The following OR2W1 variants were observed in gnomAD, a reference collection of about 807,000 sequenced individuals.
OR2W1 encodes olfactory receptor 2W1.
For missense variants in OR2W1, 367 were observed against 385.3 expected (o/e 0.95, Z 0.40); for synonymous variants, 133 against 137.8 (o/e 0.97, Z 0.24).
At position 29,044,873 on chromosome 6, in the gene OR2W1, G is replaced by A; in HGVS notation, c.303C>T (p.Leu101=). ...CTGAGCCCAACCACATGTAAACATA[G>A]AGTTGGATGATACAACCCACATAGC... is the stretch of plus-strand genomic sequence containing the variant. ...TISYVGCIIQ[L]YVYMWLGSVE... Residue 101 remains leucine, a synonymous_variant, in exon 1 of 1, where the codon CTC becomes CTT. Transcript: ENST00000377175. This position sits in a 1 kb window ranked among gnomAD's most constrained non-coding sequence, Gnocchi z 4.3. 6.2e-7 allele frequency: 1 copy of A among 1,612,896 alleles called. No homozygotes were observed. The highest frequency in any genetic ancestry group is 8.5e-7 in the Non-Finnish European group (1 of 1,179,934).
Position 29,044,926 on chromosome 6 carries a change from T to C in OR2W1, c.250A>G (p.Asn84Asp). ...TTSIIPQMLVNLWGPDKTISY... is the reference protein window; with the variant it reads ...TTSIIPQMLVDLWGPDKTISY... ...ATGGTCTTATCAGGTCCCCACAAGT[T>C]GACCAGCATCTGAGGGATGATGCTG... Residue 84 changes from asparagine (N) to aspartate (D), a missense_variant, in exon 1 of 1, where the codon AAC becomes GAC. Asn to Asp is a conservative substitution (Grantham distance 23). Coordinates refer to ENST00000377175, the MANE Select transcript of OR2W1 (RefSeq NM_030903.3). This position sits in a 1 kb window ranked among gnomAD's most constrained non-coding sequence, Gnocchi z 4.3. The C allele has an allele frequency of 6.2e-7, 1 of 1,612,948 alleles. No homozygotes were observed. Among genetic ancestry groups the C allele is most frequent in the Admixed American group, 1.7e-5 (1 of 60,008 alleles).
rs1783991832 is a variant in OR2W1 at position 29,044,219 on chromosome 6, C to T, written c.957G>A (p.Lys319=). The T allele has an allele frequency of 1.3e-6, 2 of 1,550,312 alleles. No homozygotes were observed. Among genetic ancestry groups the T allele is most frequent in the Non-Finnish European group, 8.7e-7 (1 of 1,150,210 alleles). Residue 319 remains lysine, a synonymous_variant, in exon 1 of 1, where the codon AAG becomes AAA. Coordinates refer to ENST00000377175, the MANE Select transcript of OR2W1 (RefSeq NM_030903.3). This position sits in a 1 kb window ranked among gnomAD's most constrained non-coding sequence, Gnocchi z 4.3. ...HKSTKIKRNC[K]S Reference sequence around the variant, plus strand: ...TATTCACTCTAGTCTTTATCTATGACTTGCAATTCCTCTTTATTTTTGTAG... The same window carrying T: ...TATTCACTCTAGTCTTTATCTATGATTTGCAATTCCTCTTTATTTTTGTAG...
Position 29,044,424 on chromosome 6 carries a change from A to C in OR2W1, c.752T>G (p.Phe251Cys). The change falls in exon 1 of 1, where the codon TTC becomes TGC. Residue 251 changes from phenylalanine to cysteine, a missense_variant. Physicochemically the swap from Phe to Cys is radical, Grantham distance 205. Coordinates refer to ENST00000377175, the MANE Select transcript of OR2W1 (RefSeq NM_030903.3). This position sits in a 1 kb window ranked among gnomAD's most constrained non-coding sequence, Gnocchi z 4.3. ...CGSHLTVVSMFYGTIIYMYLQ... is the reference protein window; with the variant it reads ...CGSHLTVVSMCYGTIIYMYLQ... Reference sequence around the variant, plus strand: ...GTACATGTAGATAATAGTTCCATAGAACATAGACACTACAGTAAGATGAGA... The same window carrying C: ...GTACATGTAGATAATAGTTCCATAGCACATAGACACTACAGTAAGATGAGA... The C allele has an allele frequency of 6.2e-7, 1 of 1,612,994 alleles. No homozygotes were observed. The highest frequency in any genetic ancestry group is 8.5e-7 in the Non-Finnish European group (1 of 1,179,984).
rs926839522 is a variant in OR2W1 at position 29,045,095 on chromosome 6, C to G, written c.81G>C (p.Leu27=). ...AGTAGAAGATGGCGACAACTCCTGACAGGATCATCTCCATTTTTGGATGGT... is the reference window on the plus strand; with the variant it reads ...AGTAGAAGATGGCGACAACTCCTGAGAGGATCATCTCCATTTTTGGATGGT... ...FSNHPKMEMI[L]SGVVAIFYLI... is the part of the protein sequence containing the mutation. Residue 27 remains leucine (L), a synonymous_variant, in exon 1 of 1, where the codon CTG becomes CTC. Transcript: ENST00000377175. 4 of 1,612,810 alleles carry G rather than the reference C, an allele frequency of 2.5e-6. No homozygotes were observed. The highest frequency in any genetic ancestry group is 3.3e-5 in the Admixed American group (2 of 60,008).
chr6:29,045,156 C>T lies in OR2W1; in HGVS notation c.20G>A (p.Ser7Asn), dbSNP rs1784089758. 6.2e-7 allele frequency: 1 copy of T among 1,610,052 alleles called. No individual in the cohort carries two copies. Residue 7 changes from serine to asparagine, a missense_variant, in exon 1 of 1, where the codon AGT (serine) becomes AAT (asparagine). Transcript: ENST00000377175. MDQSNY[S>N]SLHGFILLGF... is the part of the protein sequence containing the mutation. ...AAGCAGAATAAAACCATGTAAAGAACTATAATTGCTTTGGTCCATAGTCCT... is the reference window on the plus strand; with the variant it reads ...AAGCAGAATAAAACCATGTAAAGAATTATAATTGCTTTGGTCCATAGTCCT...
chr6:29,044,520 C>A lies in OR2W1; in HGVS notation c.656G>T (p.Gly219Val). The A allele has an allele frequency of 6.2e-7, 1 of 1,612,934 alleles. No individual in the cohort carries two copies. The highest frequency in any genetic ancestry group is 1.1e-5 in the South Asian group (1 of 91,072). ...TCTCAGCACAGCTTTGGCAATGTAGCCATAGGATATAAGAATAAGGATGAG... is the reference window on the plus strand; with the variant it reads ...TCTCAGCACAGCTTTGGCAATGTAGACATAGGATATAAGAATAAGGATGAG... ...TPLILILISY[G>V]YIAKAVLRTK... Residue 219 changes from glycine (G) to valine (V), a missense_variant, in exon 1 of 1, where the codon GGC becomes GTC. By Grantham distance (109) the Gly-to-Val change is moderately radical (BLOSUM62 -3). Coordinates refer to ENST00000377175, the MANE Select transcript of OR2W1 (RefSeq NM_030903.3). This position sits in a 1 kb window ranked among gnomAD's most constrained non-coding sequence, Gnocchi z 4.3.
In OR2W1 at chr6:29,044,799, A is replaced by G. The variant is rs371231641; in HGVS notation, c.377T>C (p.Ile126Thr). The change falls in exon 1 of 1, where the codon ATA (isoleucine) becomes ACA (threonine). Residue 126 changes from isoleucine (I) to threonine (T), a missense_variant. Coordinates refer to ENST00000377175, the MANE Select transcript of OR2W1 (RefSeq NM_030903.3). The surrounding 1 kb of genome is among the most constrained non-coding windows in gnomAD (Gnocchi z 4.3). ...AVMSYDRFTA[I>T]CKPLHYFVVM... Reference sequence around the variant, plus strand: ...TACAAAATAATGCAAGGGCTTACATATAGCTGTAAAACGATCATAGGACAT... The same window carrying G: ...TACAAAATAATGCAAGGGCTTACATGTAGCTGTAAAACGATCATAGGACAT... The G allele has an allele frequency of 1.2e-6, 2 of 1,612,916 alleles. No homozygotes were observed. The highest frequency in any genetic ancestry group is 1.6e-4 in the Middle Eastern group (1 of 6,084).
chr6:29,045,033 G>T lies in OR2W1; in HGVS notation c.143C>A (p.Ala48Glu). The T allele has an allele frequency of 6.2e-7, 1 of 1,613,018 alleles. No individual in the cohort carries two copies. Among genetic ancestry groups the T allele is most frequent in the African/African-American group, 1.3e-5 (1 of 75,038 alleles). Residue 48 changes from alanine to glutamate, a missense_variant, in exon 1 of 1, where the codon GCA becomes GAA. Ala to Glu is a moderately radical substitution (Grantham distance 107, BLOSUM62 -1). Transcript: ENST00000377175. The stretch of plus-strand genomic sequence containing the variant: ...ATGAAGCTGGGAATCCAGGAGAGAT[G>T]CAAGAATGATGGCTGTGTTACCCAC... The part of the protein sequence containing the change: ...TLVGNTAIIL[A>E]SLLDSQLHTP...
Position 29,044,453 on chromosome 6 carries a change from A to C in OR2W1, c.723T>G (p.Cys241Trp), listed in dbSNP as rs747122912. ...TAGACACTACAGTAAGATGAGATCC[A>C]CAGGTATTCATTGCTTTTCGCTGGC... ...KASQRKAMNT[C>W]GSHLTVVSMF... Residue 241 changes from cysteine to tryptophan, a missense_variant, in exon 1 of 1, where the codon TGT becomes TGG. Cys to Trp is a radical substitution (Grantham distance 215). Coordinates refer to ENST00000377175, the MANE Select transcript of OR2W1 (RefSeq NM_030903.3). The surrounding 1 kb of genome is among the most constrained non-coding windows in gnomAD (Gnocchi z 4.3). The C allele has an allele frequency of 2.5e-6, 4 of 1,612,934 alleles. No homozygotes were observed. The highest frequency in any genetic ancestry group is 1.3e-5 in the African/African-American group (1 of 74,944).
rs1581791609 is a variant in OR2W1 at position 29,044,978 on chromosome 6, T to G, written c.198A>C (p.Leu66Phe). The change falls in exon 1 of 1, where the codon TTA becomes TTC. Residue 66 changes from leucine (L) to phenylalanine (F), a missense_variant. By Grantham distance (22) the Leu-to-Phe change is conservative. Transcript: ENST00000377175. This position sits in a 1 kb window ranked among gnomAD's most constrained non-coding sequence, Gnocchi z 4.3. ...HTPMYFFLRNLSFLDLCFTTS... is the reference protein window; with the variant it reads ...HTPMYFFLRNFSFLDLCFTTS... ...TTGTGAAACATAGATCTAGGAAAGATAAATTTCTGAGGAAAAAGTACATTG... is the reference window on the plus strand; with the variant it reads ...TTGTGAAACATAGATCTAGGAAAGAGAAATTTCTGAGGAAAAAGTACATTG... 6.2e-7 allele frequency: 1 copy of G among 1,612,908 alleles called. No individual in the cohort carries two copies. Among genetic ancestry groups the G allele is most frequent in the African/African-American group, 1.3e-5 (1 of 74,994 alleles).
chr6:29,045,080 G>A lies in OR2W1; in HGVS notation c.96C>T (p.Ala32=). The change falls in exon 1 of 1, where the codon GCC becomes GCT. Residue 32 remains alanine (A), a synonymous_variant. Coordinates refer to ENST00000377175, the MANE Select transcript of OR2W1 (RefSeq NM_030903.3). The part of the protein sequence containing the change: ...KMEMILSGVV[A]IFYLITLVGN... Reference sequence around the variant, plus strand: ...CCACCAATGTAATTAAGTAGAAGATGGCGACAACTCCTGACAGGATCATCT... The same window carrying A: ...CCACCAATGTAATTAAGTAGAAGATAGCGACAACTCCTGACAGGATCATCT... 6.2e-7 allele frequency: 1 copy of A among 1,612,978 alleles called. No homozygotes were observed. The highest frequency in any genetic ancestry group is 8.5e-7 in the Non-Finnish European group (1 of 1,179,980).
chr6:29,044,855 C>T lies in OR2W1; in HGVS notation c.321G>A (p.Leu107=). The T allele has an allele frequency of 6.2e-7, 1 of 1,612,970 alleles. No individual in the cohort carries two copies. Among genetic ancestry groups the T allele is most frequent in the East Asian group, 2.2e-5 (1 of 44,876 alleles). Residue 107 remains leucine (L), a synonymous_variant, in exon 1 of 1, where the codon TTG becomes TTA. Transcript: ENST00000377175. This position sits in a 1 kb window ranked among gnomAD's most constrained non-coding sequence, Gnocchi z 4.3. ...CCAGGAGAAGGCACTCAACTGAGCC[C>T]AACCACATGTAAACATAGAGTTGGA... is the stretch of plus-strand genomic sequence containing the variant. ...CIIQLYVYMW[L]GSVECLLLAV...
rs1210010297 is a variant in OR2W1, at chr6:29,045,023, C to CAGGAG, written c.148_152dup (p.Asp52SerfsTer20). ...ACATTGGTGTATGAAGCTGGGAATC[C>CAGGAG]AGGAGAGATGCAAGAATGATGGCTG... On this transcript the variant is annotated frameshift_variant, in exon 1 of 1. Transcript: ENST00000377175. LOFTEE classifies it low-confidence loss of function (END_TRUNC). 6.2e-6 allele frequency: 10 copies of CAGGAG among 1,612,894 alleles called. No homozygotes were observed. The highest frequency in any genetic ancestry group is 8.5e-6 in the Non-Finnish European group (10 of 1,179,964).
In OR2W1 at chr6:29,045,061, A is replaced by G. The variant is rs1407480592; in HGVS notation, c.115T>C (p.Leu39=). 20 of 1,612,950 alleles carry G rather than the reference A, an allele frequency of 1.2e-5. No homozygotes were observed. The highest frequency in any genetic ancestry group is 5.5e-5 in the South Asian group (5 of 91,088). Residue 39 remains leucine (L), a synonymous_variant, in exon 1 of 1, where the codon TTG becomes CTG. Transcript: ENST00000377175. The part of the protein sequence containing the change: ...GVVAIFYLIT[L]VGNTAIILAS... ...AGAATGATGGCTGTGTTACCCACCA[A>G]TGTAATTAAGTAGAAGATGGCGACA...
Position 29,044,800 on chromosome 6 carries a change from T to C in OR2W1, c.376A>G (p.Ile126Val), listed in dbSNP as rs1299614160. The C allele has an allele frequency of 1.2e-6, 2 of 1,612,964 alleles. No individual in the cohort carries two copies. The highest frequency in any genetic ancestry group is 1.7e-5 in the Admixed American group (1 of 60,000). ...ACAAAATAATGCAAGGGCTTACATATAGCTGTAAAACGATCATAGGACATA... is the reference window on the plus strand; with the variant it reads ...ACAAAATAATGCAAGGGCTTACATACAGCTGTAAAACGATCATAGGACATA... ...AVMSYDRFTA[I>V]CKPLHYFVVM... Residue 126 changes from isoleucine to valine, a missense_variant, in exon 1 of 1, where the codon ATA becomes GTA. Coordinates refer to ENST00000377175, the MANE Select transcript of OR2W1 (RefSeq NM_030903.3). This position sits in a 1 kb window ranked among gnomAD's most constrained non-coding sequence, Gnocchi z 4.3.
chr6:29,044,930 C>G lies in OR2W1; in HGVS notation c.246G>C (p.Leu82=). The change falls in exon 1 of 1, where the codon CTG becomes CTC. Residue 82 remains leucine, a synonymous_variant. Transcript: ENST00000377175. This position sits in a 1 kb window ranked among gnomAD's most constrained non-coding sequence, Gnocchi z 4.3. The part of the protein sequence containing the change: ...CFTTSIIPQM[L]VNLWGPDKTI... ...TCTTATCAGGTCCCCACAAGTTGAC[C>G]AGCATCTGAGGGATGATGCTGGTTG... 1.2e-6 allele frequency: 2 copies of G among 1,612,858 alleles called. No individual in the cohort carries two copies. The highest frequency in any genetic ancestry group is 8.5e-7 in the Non-Finnish European group (1 of 1,179,958).
chr6:29,044,382 C>G lies in OR2W1; in HGVS notation c.794G>C (p.Arg265Thr). The G allele has an allele frequency of 6.2e-7, 1 of 1,612,886 alleles. No homozygotes were observed. Among genetic ancestry groups the G allele is most frequent in the Non-Finnish European group, 8.5e-7 (1 of 1,179,930 alleles). The change falls in exon 1 of 1, where the codon AGG (arginine) becomes ACG (threonine). Residue 265 changes from arginine (R) to threonine (T), a missense_variant. By Grantham distance (71) the Arg-to-Thr change is moderately conservative (BLOSUM62 -1). Transcript: ENST00000377175. This position sits in a 1 kb window ranked among gnomAD's most constrained non-coding sequence, Gnocchi z 4.3. The stretch of plus-strand genomic sequence containing the variant: ...GAACTTGCCCTGGTCTTTGGAAGCC[C>G]TGTTACCTGGTTGCAGGTACATGTA... ...IIYMYLQPGN[R>T]ASKDQGKFLT...
Position 29,044,409 on chromosome 6 carries a change from A to G in OR2W1, c.767T>C (p.Ile256Thr). The stretch of plus-strand genomic sequence containing the variant: ...GTTACCTGGTTGCAGGTACATGTAG[A>G]TAATAGTTCCATAGAACATAGACAC... Reference protein sequence around the residue: ...TVVSMFYGTIIYMYLQPGNRA... With the variant: ...TVVSMFYGTITYMYLQPGNRA... The change falls in exon 1 of 1, where the codon ATC (isoleucine) becomes ACC (threonine). Residue 256 changes from isoleucine (I) to threonine (T), a missense_variant. Coordinates refer to ENST00000377175, the MANE Select transcript of OR2W1 (RefSeq NM_030903.3). The surrounding 1 kb of genome is among the most constrained non-coding windows in gnomAD (Gnocchi z 4.3). 1.2e-6 allele frequency: 2 copies of G among 1,612,968 alleles called. No individual in the cohort carries two copies. The highest frequency in any genetic ancestry group is 2.2e-5 in the East Asian group (1 of 44,882).
Position 29,044,910 on chromosome 6 carries a change from T to C in OR2W1, c.266A>G (p.Asp89Gly), listed in dbSNP as rs186419762. The C allele has an allele frequency of 1.1e-5, 17 of 1,612,940 alleles. No homozygotes were observed. The East Asian group carries it at 3.6e-4, about 34-fold the overall frequency. The change falls in exon 1 of 1, where the codon GAT (aspartate) becomes GGT (glycine). Residue 89 changes from aspartate (D) to glycine (G), a missense_variant. Coordinates refer to ENST00000377175, the MANE Select transcript of OR2W1 (RefSeq NM_030903.3). The surrounding 1 kb of genome is among the most constrained non-coding windows in gnomAD (Gnocchi z 4.3). Reference sequence around the variant, plus strand: ...ACAACCCACATAGCTGATGGTCTTATCAGGTCCCCACAAGTTGACCAGCAT... The same window carrying C: ...ACAACCCACATAGCTGATGGTCTTACCAGGTCCCCACAAGTTGACCAGCAT... ...PQMLVNLWGP[D>G]KTISYVGCII... is the part of the protein sequence containing the mutation.
Sources: gnomAD v4.1 joint callset for allele counts on GRCh38, gnomAD v4.1.1 for gene constraint, Gnocchi (gnomAD v3.1) non-coding constraint, MANE v1.5 for transcripts, NCBI Gene and HGNC (gene_info 2026-07-23, HGNC 2026-07-21) for gene names.